The following SLC16A6 variants were observed in gnomAD, a reference collection of about 807,000 sequenced individuals.
The protein encoded by SLC16A6 is monocarboxylate transporter 7.
In SLC16A6, 15 loss-of-function variants were observed where a neutral mutation model predicts 33.8. That is an observed-to-expected ratio of 0.44 (90% CI 0.30 to 0.68). SLC16A6 has a LOEUF of 0.68. Among genes scored for constraint, SLC16A6 ranks in the 30% least tolerant of loss-of-function variants. The probability of loss-of-function intolerance (pLI) is 0.10; values close to 1 mark genes in which losing one functional copy is unlikely to be tolerated. For missense variants in SLC16A6, 451 were observed against 661.5 expected (o/e 0.68, Z 3.49); for synonymous variants, 219 against 248.4 (o/e 0.88, Z 1.11).
chr17:68,271,328 C>T lies in SLC16A6; in HGVS notation c.832G>A (p.Glu278Lys), dbSNP rs782727087. The change falls in exon 5 of 6, where the codon GAA (glutamate) becomes AAA (lysine). Residue 278 changes from glutamate to lysine, a missense_variant. Coordinates refer to ENST00000580666, the MANE Select transcript of SLC16A6 (RefSeq NM_004694.5). The surrounding 1 kb of genome is among the most constrained non-coding windows in gnomAD (Gnocchi z 5.3). Reference protein sequence around the residue: ...VLVKTSPRPSEKKAPLLDFSI... With the variant: ...VLVKTSPRPSKKKAPLLDFSI... Reference sequence around the variant, plus strand: ...AAGTCTAATAGCGGGGCTTTCTTTTCGCTTGGCCTGGGGCTGGTCTTCACC... The same window carrying T: ...AAGTCTAATAGCGGGGCTTTCTTTTTGCTTGGCCTGGGGCTGGTCTTCACC... 2.9e-5 allele frequency: 47 copies of T among 1,614,188 alleles called. No homozygotes were observed. The highest frequency in any genetic ancestry group is 1.6e-4 in the Middle Eastern group (1 of 6,062).
chr17:68,275,837 G>A (rs539155155), intron 2 of SLC16A6, among the ~76,000 whole-genome samples: 40 of 151,954 alleles, frequency 2.6e-4, no homozygotes, highest in Middle Eastern at 6.8e-3. Context: ...CAAAAAATTA[G>A]CCAGGCGTGG....
In SLC16A6 at chr17:68,271,482, A is replaced by G; in HGVS notation, c.678T>C (p.Leu226=). 7 of 1,614,130 alleles carry G rather than the reference A, an allele frequency of 4.3e-6. No homozygotes were observed. Among genetic ancestry groups the G allele is most frequent in the Non-Finnish European group, 5.9e-6 (7 of 1,180,020 alleles). The change falls in exon 5 of 6, where the codon CTT becomes CTC. Residue 226 remains leucine (L), a synonymous_variant. Coordinates refer to ENST00000580666, the MANE Select transcript of SLC16A6 (RefSeq NM_004694.5). The surrounding 1 kb of genome is among the most constrained non-coding windows in gnomAD (Gnocchi z 5.3). Reference sequence around the variant, plus strand: ...TTGAGGTTCGTGTTTTCTCATTTTCAAGCATATACTGCGCTTCTTTCCGAT... The same window carrying G: ...TTGAGGTTCGTGTTTTCTCATTTTCGAGCATATACTGCGCTTCTTTCCGAT... ...QENRKEAQYM[L]ENEKTRTSID...
In SLC16A6 at chr17:68,269,023, C is replaced by T. The variant is rs1778076908; in HGVS notation, c.*73G>A. ...GGAGTAGAGGGGTTAGCTCCTCTGC[C>T]TCCTTGTGTCCCCGTTGGGCCCACC... On this transcript the variant is annotated 3_prime_UTR_variant, in exon 6 of 6. Coordinates refer to ENST00000580666, the MANE Select transcript of SLC16A6 (RefSeq NM_004694.5). 1 of 1,590,566 alleles carries T rather than the reference C, an allele frequency of 6.3e-7. No individual in the cohort carries two copies. Among genetic ancestry groups the T allele is most frequent in the African/African-American group, 1.4e-5 (1 of 73,634 alleles).
rs148154657 is a variant in SLC16A6 at position 68,276,733 on chromosome 17, C to T, written c.232+1356G>A. On this transcript the variant is annotated intron_variant, in intron 2 of 5. Transcript: ENST00000580666. ...CCTCCCAGAGTGCTGGGATTACAGGCGTGAGCCACCATGCCCAGCTTGGTT... is the reference window on the plus strand; with the variant it reads ...CCTCCCAGAGTGCTGGGATTACAGGTGTGAGCCACCATGCCCAGCTTGGTT... 8.3e-3 allele frequency among the ~76,000 whole-genome samples: 1,266 copies of T among 152,224 alleles called. 9 individuals carry two copies. The highest frequency in any genetic ancestry group is 0.014 in the Non-Finnish European group (976 of 68,016).
At chr17:68,288,166 T>A (rs1341379982) in intron 1 of SLC16A6, among the ~76,000 whole-genome samples, 2 of 151,786 alleles carry the variant, frequency 1.3e-5, no homozygotes, top group Non-Finnish European at 2.9e-5. Flanking sequence ...CCGGCTGATT[T>A]TTTTTTTGTA....
At chr17:68,285,947 G>A (rs1239706993) in intron 1 of SLC16A6, among the ~76,000 whole-genome samples, 2 of 152,086 alleles carry the variant, frequency 1.3e-5, no homozygotes, top group Non-Finnish European at 2.9e-5. Context: ...TTTTAGTAGA[G>A]ACAGGGTTTC....
In SLC16A6 at chr17:68,270,965, T is replaced by G. The variant is rs782405284; in HGVS notation, c.1195A>C (p.Ile399Leu). 1.2e-6 allele frequency: 2 copies of G among 1,614,166 alleles called. No homozygotes were observed. Among genetic ancestry groups the G allele is most frequent in the Non-Finnish European group, 1.7e-6 (2 of 1,180,026 alleles). Residue 399 changes from isoleucine to leucine, a missense_variant, in exon 5 of 6, where the codon ATA becomes CTA. Coordinates refer to ENST00000580666, the MANE Select transcript of SLC16A6 (RefSeq NM_004694.5). ...AGCAGTGGAATGTGAGTCCCTCCTA[T>G]TGTTCCAACCATAAACCCAAAAAAT... is the stretch of plus-strand genomic sequence containing the variant. ...SIFFGFMVGT[I>L]GGTHIPLLAE...
chr17:68,277,172 C>T (rs2075550014), intron 2 of SLC16A6, among the ~76,000 whole-genome samples: 1 of 152,076 alleles, frequency 6.6e-6, no homozygotes, highest in African/African-American at 2.4e-5. Flanking sequence ...CACACTGTCG[C>T]CCAGGCTGGA....
In SLC16A6 at chr17:68,275,023, G is replaced by A. The variant is rs142210542; in HGVS notation, c.233-953C>T. Among the ~76,000 whole-genome samples, 568 of 152,180 alleles carry A rather than the reference G, an allele frequency of 3.7e-3. 5 individuals are homozygous for A. The highest frequency in any genetic ancestry group is 0.013 in the African/African-American group (531 of 41,522). On this transcript the variant is annotated intron_variant, in intron 2 of 5. Coordinates refer to ENST00000580666, the MANE Select transcript of SLC16A6 (RefSeq NM_004694.5). ...TCGAACTACTGACCTCAGGTGATCC[G>A]CCCACCTCGGCCTCCCAAAGTGTTG...
intron 1 of SLC16A6, among the ~76,000 whole-genome samples, chr17:68,282,747 G>A (rs1470228488): frequency 3.0e-5 from 4 of 135,306 alleles, no homozygotes; most frequent in African/African-American, 5.7e-5. Flanking sequence ...TTTGAGAGCA[G>A]TCTGGCCAAC....
Position 68,271,489 on chromosome 17 carries a change from T to C in SLC16A6, c.671A>G (p.Tyr224Cys). 1.2e-6 allele frequency: 2 copies of C among 1,614,190 alleles called. No homozygotes were observed. The highest frequency in any genetic ancestry group is 1.1e-5 in the South Asian group (1 of 91,084). The change falls in exon 5 of 6, where the codon TAT (tyrosine) becomes TGT (cysteine). Residue 224 changes from tyrosine (Y) to cysteine (C), a missense_variant. Tyr to Cys is a radical substitution (Grantham distance 194, BLOSUM62 -2). Coordinates refer to ENST00000580666, the MANE Select transcript of SLC16A6 (RefSeq NM_004694.5). This position sits in a 1 kb window ranked among gnomAD's most constrained non-coding sequence, Gnocchi z 5.3. ...VIQENRKEAQYMLENEKTRTS... is the reference protein window; with the variant it reads ...VIQENRKEAQCMLENEKTRTS... The stretch of plus-strand genomic sequence containing the variant: ...TCGTGTTTTCTCATTTTCAAGCATA[T>C]ACTGCGCTTCTTTCCGATTTTCCTG...
At position 68,271,443 on chromosome 17, in the gene SLC16A6, G is replaced by A; in HGVS notation, c.717C>T (p.Asp239=). The A allele has an allele frequency of 6.2e-7, 1 of 1,614,184 alleles. No homozygotes were observed. The highest frequency in any genetic ancestry group is 1.3e-5 in the African/African-American group (1 of 75,052). ...EKTRTSIDSI[D]SGVELTTSPK... ...GTGAGGTAGTTAGTTCTACTCCTGA[G>A]TCAATGGAGTCTATTGAGGTTCGTG... is the stretch of plus-strand genomic sequence containing the variant. The change falls in exon 5 of 6, where the codon GAC becomes GAT. Residue 239 remains aspartate, a synonymous_variant. Coordinates refer to ENST00000580666, the MANE Select transcript of SLC16A6 (RefSeq NM_004694.5). The surrounding 1 kb of genome is among the most constrained non-coding windows in gnomAD (Gnocchi z 5.3).
At chr17:68,274,192 G>A (rs1221741643) in intron 2 of SLC16A6, 122 bp from the exon 3 acceptor site, 11 of 1,062,816 alleles carry the variant, frequency 1.0e-5, no homozygotes, top group African/African-American at 4.8e-5. Context: ...ATGGCCGAGC[G>A]CAGTGGCTCA....
chr17:68,286,232 T>G (rs1441641392), intron 1 of SLC16A6, among the ~76,000 whole-genome samples: 1 of 152,194 alleles, frequency 6.6e-6, no homozygotes, highest in Non-Finnish European at 1.5e-5. Flanking sequence ...CTTTCCTCTC[T>G]TCCCTTGCCT....
chr17:68,285,173 A>G (rs1448916018), intron 1 of SLC16A6, among the ~76,000 whole-genome samples: 2 of 152,248 alleles, frequency 1.3e-5, no homozygotes, highest in African/African-American at 4.8e-5. Context: ...ATTTCTGACA[A>G]GCAGTCAGGA....
intron 1 of SLC16A6, among the ~76,000 whole-genome samples, chr17:68,281,010 C>T (rs1295302585): frequency 6.6e-6 from 1 of 151,746 alleles, no homozygotes; most frequent in Non-Finnish European, 1.5e-5. Flanking sequence ...CCTGTAGTCC[C>T]AGCTGCTTGG....
chr17:68,270,957 C>A lies in SLC16A6; in HGVS notation c.1203G>T (p.Gly401=), dbSNP rs782246994. 6.2e-7 allele frequency: 1 copy of A among 1,614,142 alleles called. No homozygotes were observed. Among genetic ancestry groups the A allele is most frequent in the South Asian group, 1.1e-5 (1 of 91,074 alleles). ...FFGFMVGTIG[G]THIPLLAEDD... Reference sequence around the variant, plus strand: ...CCTCAGCAAGCAGTGGAATGTGAGTCCCTCCTATTGTTCCAACCATAAACC... The same window carrying A: ...CCTCAGCAAGCAGTGGAATGTGAGTACCTCCTATTGTTCCAACCATAAACC... The change falls in exon 5 of 6, where the codon GGG becomes GGT. Residue 401 remains glycine, a synonymous_variant. Coordinates refer to ENST00000580666, the MANE Select transcript of SLC16A6 (RefSeq NM_004694.5).
intron 1 of SLC16A6, among the ~76,000 whole-genome samples, chr17:68,288,118 T>A (rs2075885523): frequency 6.6e-6 from 1 of 151,482 alleles, no homozygotes; most frequent in South Asian, 2.1e-4. Flanking sequence ...TGCCTCAGCC[T>A]CCTGAGTAGT....
At chr17:68,280,405 G>GT (rs2060672094) in intron 1 of SLC16A6, among the ~76,000 whole-genome samples, 1 of 152,068 alleles carries the variant, frequency 6.6e-6, no homozygotes, top group Non-Finnish European at 1.5e-5. Flanking sequence ...CAACACAACA[G>GT]TAATCAAAAC....
Sources: gnomAD v4.1 joint callset for allele counts (sites outside exome capture counted in the v4.1 genomes callset) on GRCh38, gnomAD v4.1.1 for gene constraint, Gnocchi (gnomAD v3.1) non-coding constraint, MANE v1.5 for transcripts, NCBI Gene and HGNC (gene_info 2026-07-23, HGNC 2026-07-21) for gene names.